CCDC148: variants seen among roughly 807,000 people sequenced by gnomAD.
CCDC148 encodes the protein coiled-coil domain containing 148.
Under a neutral mutation model 85.7 loss-of-function variants are expected in CCDC148, and 89 were observed. The observed-to-expected ratio is 1.04, with a 90% CI of 0.87 to 1.24. The LOEUF (loss-of-function observed/expected upper bound fraction) is 1.24, where lower values mean the gene tolerates loss of function less well. Among genes scored for constraint, CCDC148 ranks in the 50% most tolerant of loss-of-function variants. CCDC148 has a pLI of 0.00. For missense variants in CCDC148, 692 were observed against 671.7 expected (o/e 1.03, Z -0.33); for synonymous variants, 230 against 213.9 (o/e 1.08, Z -0.66).
intron 2 of CCDC148, among the ~76,000 whole-genome samples, chr2:158,351,515 G>T (rs533744129): frequency 6.6e-6 from 1 of 152,008 alleles, no homozygotes; most frequent in African/African-American, 2.4e-5. Flanking sequence ...GCGCTTTTCC[G>T]ACCGGCTTAA....
chr2:158,446,241 G>C (rs1688152386), intron 1 of CCDC148, among the ~76,000 whole-genome samples: 1 of 152,050 alleles, frequency 6.6e-6, no homozygotes, highest in South Asian at 2.1e-4. Context: ...TGTAGTCCCA[G>C]CTACTCAGGA....
chr2:158,423,212 C>T (rs1258313810), intron 1 of CCDC148, among the ~76,000 whole-genome samples: 1 of 152,096 alleles, frequency 6.6e-6, no homozygotes, highest in African/African-American at 2.4e-5. Context: ...ACTTTCTTCA[C>T]AGAATTGGAA....
chr2:158,347,583 T>G (rs1683056811), intron 2 of CCDC148, among the ~76,000 whole-genome samples: 1 of 152,106 alleles, frequency 6.6e-6, no homozygotes, highest in Non-Finnish European at 1.5e-5. Flanking sequence ...TGGATGATAA[T>G]TTGTGCAGAA....
At chr2:158,221,278 A>T (rs537488343) in intron 10 of CCDC148, among the ~76,000 whole-genome samples, 1 of 152,212 alleles carries the variant, frequency 6.6e-6, no homozygotes, top group Non-Finnish European at 1.5e-5. Flanking sequence ...GTGGTAAAAT[A>T]AAGGTCGAGC....
intron 11 of CCDC148, among the ~76,000 whole-genome samples, chr2:158,199,996 C>A (rs34168435): frequency 6.6e-6 from 1 of 152,044 alleles, no homozygotes; most frequent in Non-Finnish European, 1.5e-5. Context: ...AGGGTTGAGA[C>A]GCATTCAAAC....
chr2:158,341,416 C>T (rs1682690089), intron 3 of CCDC148, among the ~76,000 whole-genome samples: 1 of 151,582 alleles, frequency 6.6e-6, no homozygotes, highest in South Asian at 2.1e-4. Context: ...AAGTGATCCT[C>T]GTGCCTAAGC....
In CCDC148 at chr2:158,340,361, G is replaced by C. The variant is rs777369798; in HGVS notation, c.367C>G (p.Leu123Val). 1 of 1,613,852 alleles carries C rather than the reference G, an allele frequency of 6.2e-7. No individual in the cohort carries two copies. Among genetic ancestry groups the C allele is most frequent in the East Asian group, 2.2e-5 (1 of 44,822 alleles). Residue 123 changes from leucine to valine, a missense_variant, in exon 5 of 14, where the codon CTT (leucine) becomes GTT (valine). Leu to Val is a conservative substitution (Grantham distance 32). Transcript: ENST00000283233. Reference protein sequence around the residue: ...QELSEQQCTYLKNVINPIQQL... With the variant: ...QELSEQQCTYVKNVINPIQQL... ...TGAATAGGATTTATTACATTTTTAA[G>C]ATATGTGCACTGTTGTTCTGATAGC...
intron 1 of CCDC148, among the ~76,000 whole-genome samples, chr2:158,427,532 G>A (rs970657591): frequency 8.5e-5 from 13 of 152,070 alleles, no homozygotes; most frequent in African/African-American, 3.1e-4. Flanking sequence ...AGGTAGGAAA[G>A]GATATTTCAA....
At position 158,456,621 on chromosome 2, in the gene CCDC148, A is replaced by T; in HGVS notation, c.-182T>A. 1 of 727,284 alleles carries T rather than the reference A, an allele frequency of 1.4e-6. No individual in the cohort carries two copies. Among genetic ancestry groups the T allele is most frequent in the South Asian group, 1.9e-5 (1 of 52,100 alleles). 45.1% of individuals were successfully genotyped at this position (727,284 alleles called of 1,614,324 possible). ...CAGTAAGGCAAGGAAAGCCTGCCCC[A>T]GATTTCAGAGCCAGCGCTGGGGAAT... On this transcript the variant is annotated 5_prime_UTR_variant, in exon 1 of 14. Coordinates refer to ENST00000283233, the MANE Select transcript of CCDC148 (RefSeq NM_138803.4).
intron 3 of CCDC148, among the ~76,000 whole-genome samples, chr2:158,343,076 C>T (rs1341937594): frequency 6.6e-6 from 1 of 152,004 alleles, no homozygotes; most frequent in Non-Finnish European, 1.5e-5. Context: ...TGGCTGTTCA[C>T]GGGTGCAATC....
intron 11 of CCDC148, among the ~76,000 whole-genome samples, chr2:158,180,974 G>A (rs1442429390): frequency 6.6e-6 from 1 of 152,146 alleles, no homozygotes; most frequent in African/African-American, 2.4e-5. Flanking sequence ...ACGCCTCCAT[G>A]TCATGGAAAG....
At chr2:158,175,496 T>C (rs1171733001) in intron 13 of CCDC148, among the ~76,000 whole-genome samples, 4 of 151,884 alleles carry the variant, frequency 2.6e-5, no homozygotes, top group African/African-American at 4.8e-5. Flanking sequence ...GGGCAACCCT[T>C]AGACATTCAT....
chr2:158,176,630 C>T lies in CCDC148; in HGVS notation c.1520G>A (p.Arg507Lys), dbSNP rs200220652. The T allele has an allele frequency of 5.5e-5, 89 of 1,611,908 alleles. No individual in the cohort carries two copies. Among genetic ancestry groups the T allele is most frequent in the Non-Finnish European group, 2.5e-6 (3 of 1,178,896 alleles). ...VAVVAQFDPV[R>K]MMSDTMASKA... ...TGATGCCATTGTATCTGACATCATT[C>T]TAACAGGATCAAATTGAGCAACAAC... The change falls in exon 13 of 14, where the codon AGA becomes AAA. Residue 507 changes from arginine to lysine, a missense_variant. Transcript: ENST00000283233.
rs555070744 is a variant in CCDC148, at chr2:158,414,397, T to A, written c.25+42018A>T. Reference sequence around the variant, plus strand: ...AGGATCAGATAGGATCAGAGCTTAATCCATTCATTCACTCCCAAAGTTCAC... The same window carrying A: ...AGGATCAGATAGGATCAGAGCTTAAACCATTCATTCACTCCCAAAGTTCAC... On this transcript the variant is annotated intron_variant, in intron 1 of 13. Transcript: ENST00000283233. 2.6e-5 allele frequency among the ~76,000 whole-genome samples: 4 copies of A among 152,332 alleles called. No individual in the cohort carries two copies. The South Asian group carries it at 8.3e-4, about 32-fold the overall frequency.
chr2:158,244,720 T>C (rs1038553675), intron 10 of CCDC148, among the ~76,000 whole-genome samples: 1 of 152,196 alleles, frequency 6.6e-6, no homozygotes, highest in African/African-American at 2.4e-5. Flanking sequence ...TAAGGTCTTC[T>C]GTGCCATATA....
chr2:158,294,934 C>G (rs188203897), intron 9 of CCDC148, among the ~76,000 whole-genome samples: 1 of 151,744 alleles, frequency 6.6e-6, no homozygotes, highest in East Asian at 1.9e-4. Flanking sequence ...TTGACATGAT[C>G]AGATTTTTTA....
intron 1 of CCDC148, among the ~76,000 whole-genome samples, chr2:158,394,650 G>C (rs1227918312): frequency 6.6e-6 from 1 of 151,402 alleles, no homozygotes; most frequent in African/African-American, 2.4e-5. Context: ...ACATTCCTTG[G>C]GGCTTCAGAA....
At chr2:158,220,570 C>T (rs752644181) in intron 11 of CCDC148, 25 bp downstream of exon 11, 16 of 1,532,472 alleles carry the variant, frequency 1.0e-5, no homozygotes, top group Non-Finnish European at 1.4e-5. Flanking sequence ...CCTCCATTAC[C>T]ACACAATTTT....
intron 2 of CCDC148, among the ~76,000 whole-genome samples, chr2:158,347,740 T>C (rs1201986096): frequency 4.6e-5 from 7 of 152,030 alleles, no homozygotes; most frequent in Non-Finnish European, 8.8e-5. Context: ...TTACAAAAGC[T>C]CTTTGAACGA....
Sources: gnomAD v4.1 joint callset for allele counts (sites outside exome capture counted in the v4.1 genomes callset) on GRCh38, gnomAD v4.1.1 for gene constraint, MANE v1.5 for transcripts, NCBI Gene and HGNC (gene_info 2026-07-23, HGNC 2026-07-21) for gene names.